Variants in HERC2 observed in about 807,000 individuals in gnomAD.
HERC2 encodes E3 ubiquitin-protein ligase HERC2.
Under a neutral mutation model 537.7 loss-of-function variants are expected in HERC2, and 102 were observed. That is an observed-to-expected ratio of 0.19 (90% CI 0.16 to 0.22). The LOEUF is 0.22. Ranked by LOEUF, HERC2 falls within the 10% of genes least tolerant of loss-of-function variation. The pLI is 1.00. For missense variants in HERC2, 4,236 were observed against 6,198.2 expected, an observed-to-expected ratio of 0.68 and a Z score of 10.63; for synonymous variants, 2,224 against 2,466.2, an observed-to-expected ratio of 0.90 and a Z score of 2.91.
At chr15:28,174,186 C>G (rs1319778414) in intron 65 of HERC2, among the ~76,000 whole-genome samples, 1 of 152,084 alleles carries the variant, frequency 6.6e-6, no homozygotes, top group Non-Finnish European at 1.5e-5. Flanking sequence ...ATCATAAATA[C>G]AAGAATCAGC....
chr15:28,312,933 C>A (rs1381361111), intron 2 of HERC2: 3 of 161,806 alleles, frequency 1.9e-5, no homozygotes, highest in Admixed American at 6.6e-5. Context: ...GCAAAAGAGG[C>A]AGTAACAGGC....
In HERC2 at chr15:28,113,501, C is replaced by T; in HGVS notation, c.14019+72G>A. 7.5e-7 allele frequency: 1 copy of T among 1,339,200 alleles called. No homozygotes were observed. The highest frequency in any genetic ancestry group is 1.1e-6 in the Non-Finnish European group (1 of 933,148). 83.0% of individuals were successfully genotyped at this position (1,339,200 alleles called of 1,614,324 possible). The stretch of plus-strand genomic sequence containing the variant: ...ACACAGGGCAAGGTTCTGACTCTAA[C>T]TGCTGTCACTGATTTGTGGGTCAGC... On this transcript the variant is annotated intron_variant, in intron 91 of 92. Coordinates refer to ENST00000261609, the MANE Select transcript of HERC2 (RefSeq NM_004667.6). The surrounding 1 kb of genome is among the most constrained non-coding windows in gnomAD (Gnocchi z 7.0).
intron 84 of HERC2, among the ~76,000 whole-genome samples, chr15:28,124,640 C>T (rs1337582376): frequency 1.3e-5 from 2 of 152,196 alleles, no homozygotes; most frequent in Non-Finnish European, 2.9e-5. Context: ...GCAGCTTGGA[C>T]CTTTCAGACT....
At chr15:28,183,399 G>C (rs1366828450) in intron 56 of HERC2, among the ~76,000 whole-genome samples, 1 of 151,994 alleles carries the variant, frequency 6.6e-6, no homozygotes, top group Non-Finnish European at 1.5e-5. Flanking sequence ...TTTTTGTAGA[G>C]ACGGGGTCTC....
chr15:28,222,823 C>T (rs1416967940), intron 35 of HERC2, among the ~76,000 whole-genome samples: 2 of 152,096 alleles, frequency 1.3e-5, no homozygotes, highest in Admixed American at 6.6e-5. Flanking sequence ...AGGGGGTGCC[C>T]GTGTGATCAG....
At chr15:28,292,796 T>C in intron 4 of HERC2, 92 bp downstream of exon 4, 1 of 1,293,046 alleles carries the variant, frequency 7.7e-7, no homozygotes, top group Non-Finnish European at 1.1e-6. Context: ...TTTTTAAAAT[T>C]GTTACCAAAA....
chr15:28,190,868 G>A (rs546040131), intron 55 of HERC2, 97 bp downstream of exon 55: 54 of 777,012 alleles, frequency 6.9e-5, no homozygotes, highest in South Asian at 1.5e-4. Flanking sequence ...TTATTTAAAC[G>A]GGGAAAAACT....
At chr15:28,306,153 T>TA (rs2076781452) in intron 2 of HERC2, among the ~76,000 whole-genome samples, 1 of 152,222 alleles carries the variant, frequency 6.6e-6, no homozygotes, top group Admixed American at 6.5e-5. Flanking sequence ...TTCCAGATCT[T>TA]AGAGGAAAGG....
rs760525874 is a variant in HERC2, at chr15:28,169,526, G to A, written c.10187C>T (p.Ala3396Val). ...SLDGNLAKQQ[A>V]LSHILTALQI... is the part of the protein sequence containing the mutation. Reference sequence around the variant, plus strand: ...CAATGCTGTAAGAATATGTGATAAGGCCTGCTGTTTGGCCAGATTTCCATC... The same window carrying A: ...CAATGCTGTAAGAATATGTGATAAGACCTGCTGTTTGGCCAGATTTCCATC... Residue 3396 changes from alanine (A) to valine (V), a missense_variant, in exon 66 of 93, where the codon GCC becomes GTC. Transcript: ENST00000261609. The A allele has an allele frequency of 6.2e-7, 1 of 1,611,358 alleles. No homozygotes were observed. Among genetic ancestry groups the A allele is most frequent in the Non-Finnish European group, 8.5e-7 (1 of 1,177,844 alleles).
rs1332209785 is a variant in HERC2, at chr15:28,301,733, GTGTATATATATATATATATATA to G, written c.73-2239_73-2218del. ...GTGGATACACACTAGTTGTATGTAT[GTGTATATATATATATATATATA>G]TATATATATATATATATATATATAT... On this transcript the variant is annotated intron_variant, in intron 2 of 92. Transcript: ENST00000261609. 8.4e-4 allele frequency among the ~76,000 whole-genome samples: 26 copies of G among 30,906 alleles called. 1 individual carries two copies. The highest frequency in any genetic ancestry group is 2.2e-3 in the African/African-American group (21 of 9,632). The allele number at this position is 30,906 out of a possible 152,430, so 20.3% of individuals were successfully genotyped here.
chr15:28,174,383 A>T lies in HERC2; in HGVS notation c.10057+12T>A. ...ACAGAAAAATCTCAGAGAAGATACAAATCTGTGTTACCTAAATAGGAAGCA... is the reference window on the plus strand; with the variant it reads ...ACAGAAAAATCTCAGAGAAGATACATATCTGTGTTACCTAAATAGGAAGCA... On this transcript the variant is annotated intron_variant, in intron 65 of 92. Coordinates refer to ENST00000261609, the MANE Select transcript of HERC2 (RefSeq NM_004667.6). The T allele has an allele frequency of 6.4e-7, 1 of 1,572,168 alleles. No individual in the cohort carries two copies.
intron 86 of HERC2, chr15:28,118,524 A>T (rs538991086): frequency 6.6e-6 from 1 of 152,250 alleles, no homozygotes; most frequent in African/African-American, 2.4e-5. Flanking sequence ...AAAAGTTTTT[A>T]TGTAGTGATG....
At chr15:28,313,216 C>T (rs1378929928) in intron 2 of HERC2, among the ~76,000 whole-genome samples, 1 of 131,324 alleles carries the variant, frequency 7.6e-6, no homozygotes, top group East Asian at 2.1e-4. Context: ...TTTTTTGAGA[C>T]AGAGTCTTGC....
At position 28,121,366 on chromosome 15, in the gene HERC2, C is replaced by T. The variant is rs755345293; in HGVS notation, c.13252G>A (p.Val4418Met). 18 of 1,614,044 alleles carry T rather than the reference C, an allele frequency of 1.1e-5. No individual in the cohort carries two copies. The highest frequency in any genetic ancestry group is 5.9e-6 in the Non-Finnish European group (7 of 1,180,014). ...GCTACCTGGATGCGGTTCAGCTCCA[C>T]GACGGGGCCATGCTGACGATCGCGT... ...MVRDRQHGPV[V>M]ELNRIQVKRS... The change falls in exon 86 of 93, where the codon GTG (valine) becomes ATG (methionine). Residue 4418 changes from valine to methionine, a missense_variant. Coordinates refer to ENST00000261609, the MANE Select transcript of HERC2 (RefSeq NM_004667.6).
intron 14 of HERC2, among the ~76,000 whole-genome samples, chr15:28,264,532 C>T (rs962507340): frequency 6.6e-6 from 1 of 152,144 alleles, no homozygotes; most frequent in African/African-American, 2.4e-5. Context: ...CTGTAACAGT[C>T]GCCTCAGAAA....
At chr15:28,272,759 C>G (rs1454944028) in intron 8 of HERC2, 135 bp downstream of exon 8, 1 of 614,376 alleles carries the variant, frequency 1.6e-6, no homozygotes, top group African/African-American at 1.8e-5. Flanking sequence ...GAGAGAGAGC[C>G]CTGGGACATG....
intron 85 of HERC2, among the ~76,000 whole-genome samples, chr15:28,123,724 C>T: frequency 6.6e-6 from 1 of 152,264 alleles, no homozygotes; most frequent in Middle Eastern, 3.4e-3. Flanking sequence ...AGAGAAGGAC[C>T]GCAGGAACAA....
intron 37 of HERC2, among the ~76,000 whole-genome samples, chr15:28,219,250 C>A (rs77126521): frequency 3.9e-5 from 6 of 152,214 alleles, no homozygotes; most frequent in Admixed American, 6.5e-5. Flanking sequence ...GGCGACCAGA[C>A]GCTCATGCAG....
chr15:28,301,765 A>G (rs1330395173), intron 2 of HERC2, among the ~76,000 whole-genome samples: 1,437 of 111,510 alleles, frequency 0.013, 72 homozygotes, highest in Non-Finnish European at 0.021. Context: ...ATATATATAT[A>G]TATATATATA....
Sources: gnomAD v4.1 joint callset for allele counts (sites outside exome capture counted in the v4.1 genomes callset) on GRCh38, gnomAD v4.1.1 for gene constraint, Gnocchi (gnomAD v3.1) non-coding constraint, MANE v1.5 for transcripts, NCBI Gene and HGNC (gene_info 2026-07-23, HGNC 2026-07-21) for gene names.